The following UXS1 variants were observed in gnomAD, a reference collection of about 807,000 sequenced individuals.
UXS1 encodes the protein UDP-glucuronic acid decarboxylase 1.
Under a neutral mutation model 62.6 loss-of-function variants are expected in UXS1, and 33 were observed. The observed-to-expected ratio is 0.53, with a 90% CI of 0.40 to 0.70. The LOEUF (loss-of-function observed/expected upper bound fraction) is 0.70, where lower values mean the gene tolerates loss of function less well. Ranked by LOEUF, UXS1 falls within the 30% of genes least tolerant of loss-of-function variation. The pLI, the probability that UXS1 is intolerant of heterozygous loss-of-function variation, is 0.00. For synonymous variants in UXS1, 213 were observed against 206.8 expected, an observed-to-expected ratio of 1.03 and a Z score of -0.26; for missense variants, 434 against 556.3, an observed-to-expected ratio of 0.78 and a Z score of 2.21.
chr2:106,165,053 T>C (rs1173950671), intron 2 of UXS1, among the ~76,000 whole-genome samples: 1 of 152,250 alleles, frequency 6.6e-6, no homozygotes, highest in Non-Finnish European at 1.5e-5. Flanking sequence ...ATAATCTCAC[T>C]GCTATGCTAC....
At chr2:106,115,991 G>GA (rs1285157981) in intron 9 of UXS1, among the ~76,000 whole-genome samples, 1 of 152,148 alleles carries the variant, frequency 6.6e-6, no homozygotes, top group Non-Finnish European at 1.5e-5. Context: ...TTGGAAACAC[G>GA]AACTAGGCTG....
rs367642254 is a variant in UXS1, at chr2:106,193,154, G to A, written c.94+994C>T. On this transcript the variant is annotated intron_variant, in intron 1 of 14. Coordinates refer to ENST00000283148, the MANE Select transcript of UXS1 (RefSeq NM_001253875.2). Reference sequence around the variant, plus strand: ...GGATCTACTCATACTTGCCTTCCTAGAGCTCAACTGAAGTCACTTCAGACA... The same window carrying A: ...GGATCTACTCATACTTGCCTTCCTAAAGCTCAACTGAAGTCACTTCAGACA... Among the ~76,000 whole-genome samples, 7 of 152,128 alleles carry A rather than the reference G, an allele frequency of 4.6e-5. No homozygotes were observed. In the East Asian group the frequency reaches 7.7e-4, roughly 17 times the overall value.
At position 106,095,173 on chromosome 2, in the gene UXS1, T is replaced by C. The variant is rs114351135; in HGVS notation, c.1147-1016A>G. Reference sequence around the variant, plus strand: ...TACACACACCTCACATAAAAAGCAATAGTTAATACATAGTGAATGTATATT... The same window carrying C: ...TACACACACCTCACATAAAAAGCAACAGTTAATACATAGTGAATGTATATT... On this transcript the variant is annotated intron_variant, in intron 14 of 14. Transcript: ENST00000283148. 4.0e-3 allele frequency among the ~76,000 whole-genome samples: 612 copies of C among 152,232 alleles called. 2 individuals carry two copies. The highest frequency in any genetic ancestry group is 0.011 in the African/African-American group (469 of 41,528).
intron 6 of UXS1, among the ~76,000 whole-genome samples, chr2:106,136,952 T>C (rs1381860219): frequency 1.2e-5 from 1 of 84,784 alleles, no homozygotes; most frequent in Non-Finnish European, 2.3e-5. Flanking sequence ...AATGGAGAAG[T>C]CAAGAACACA....
At chr2:106,099,310 T>C (rs1020777469) in intron 12 of UXS1, among the ~76,000 whole-genome samples, 8 of 152,164 alleles carry the variant, frequency 5.3e-5, no homozygotes, top group Non-Finnish European at 2.9e-5. Context: ...GTGGGGGCTT[T>C]AAGGAAAACC....
chr2:106,174,087 A>C (rs1197976620), intron 1 of UXS1, among the ~76,000 whole-genome samples: 1 of 51,540 alleles, frequency 1.9e-5, no homozygotes, highest in African/African-American at 7.8e-5. Context: ...GAGGAAGAGG[A>C]TTGGGGGGGG....
intron 11 of UXS1, among the ~76,000 whole-genome samples, chr2:106,103,371 G>A (rs1573400304): frequency 6.6e-6 from 1 of 152,324 alleles, no homozygotes; most frequent in East Asian, 1.9e-4. Context: ...GGGCGCCACT[G>A]GTGAGGCAGC....
intron 7 of UXS1, among the ~76,000 whole-genome samples, chr2:106,129,398 T>C (rs570241727): frequency 6.6e-6 from 1 of 152,312 alleles, no homozygotes; most frequent in Admixed American, 6.5e-5. Flanking sequence ...GAAGCGCCTG[T>C]GGTCACTCCC....
In UXS1 at chr2:106,129,694, A is replaced by G; in HGVS notation, c.557T>C (p.Ile186Thr). The G allele has an allele frequency of 2.5e-6, 4 of 1,611,530 alleles. No homozygotes were observed. The highest frequency in any genetic ancestry group is 1.3e-5 in the African/African-American group (1 of 75,028). Residue 186 changes from isoleucine to threonine, a missense_variant, in exon 7 of 15, where the codon ATT becomes ACT. Ile to Thr is a moderately conservative substitution (Grantham distance 89). This residue lies in a region of UXS1 where 134 missense variants were observed against 251.9 expected (regional missense o/e 0.53). Coordinates refer to ENST00000283148, the MANE Select transcript of UXS1 (RefSeq NM_001253875.2). ...CTTACCCAACATGTTTAATGTCCCAATCGTATTGGTCTTTAATGTCTTGAT... is the reference window on the plus strand; with the variant it reads ...CTTACCCAACATGTTTAATGTCCCAGTCGTATTGGTCTTTAATGTCTTGAT... The part of the protein sequence containing the change: ...NPIKTLKTNT[I>T]GTLNMLGLAK...
chr2:106,114,439 C>T (rs753150905), intron 9 of UXS1, among the ~76,000 whole-genome samples: 1 of 152,144 alleles, frequency 6.6e-6, no homozygotes, highest in Non-Finnish European at 1.5e-5. Context: ...CAGAAAATGA[C>T]TCAGAAGTAC....
At chr2:106,103,173 G>A (rs540592872) in intron 11 of UXS1, among the ~76,000 whole-genome samples, 1 of 152,352 alleles carries the variant, frequency 6.6e-6, no homozygotes, top group Admixed American at 6.5e-5. Context: ...CATAGCACAG[G>A]CATCACTGAA....
intron 6 of UXS1, among the ~76,000 whole-genome samples, chr2:106,134,268 T>G (rs1223654980): frequency 8.6e-6 from 1 of 116,290 alleles, no homozygotes; most frequent in Non-Finnish European, 1.8e-5. Flanking sequence ...CAATAATCAA[T>G]AGTTTACCAA....
intron 9 of UXS1, among the ~76,000 whole-genome samples, chr2:106,116,628 A>G (rs893563596): frequency 1.3e-5 from 2 of 151,956 alleles, no homozygotes; most frequent in Non-Finnish European, 2.9e-5. Flanking sequence ...GTTAAATGTT[A>G]CTCTGTTTGA....
chr2:106,154,600 G>A (rs1449607617), intron 5 of UXS1, among the ~76,000 whole-genome samples: 1 of 152,194 alleles, frequency 6.6e-6, no homozygotes, highest in East Asian at 1.9e-4. Flanking sequence ...AGCCTTCAGA[G>A]GGGCATAGGC....
At chr2:106,188,672 G>A (rs1381374150) in intron 1 of UXS1, among the ~76,000 whole-genome samples, 3 of 152,178 alleles carry the variant, frequency 2.0e-5, no homozygotes, top group Non-Finnish European at 4.4e-5. Context: ...ACAATAGCCC[G>A]GGAGGACCAA....
intron 10 of UXS1, among the ~76,000 whole-genome samples, chr2:106,110,672 T>C (rs2377454): frequency 0.85 from 129,445 of 152,126 alleles, 55,745 homozygotes; most frequent in Non-Finnish European, 0.93. Context: ...CCACTACAAA[T>C]CCAATAATTA....
chr2:106,130,035 C>G (rs1680304011), intron 6 of UXS1, among the ~76,000 whole-genome samples: 1 of 152,140 alleles, frequency 6.6e-6, no homozygotes, highest in Non-Finnish European at 1.5e-5. Flanking sequence ...AATTCGATTA[C>G]TGAGTTGATT....
At chr2:106,130,896 G>A (rs1186849344) in intron 6 of UXS1, among the ~76,000 whole-genome samples, 1 of 152,142 alleles carries the variant, frequency 6.6e-6, no homozygotes, top group East Asian at 1.9e-4. Context: ...AGTCTGGGGG[G>A]GAGGAGCCAA....
chr2:106,158,577 T>C (rs942826416), intron 4 of UXS1, among the ~76,000 whole-genome samples: 11 of 152,194 alleles, frequency 7.2e-5, no homozygotes, highest in Admixed American at 3.9e-4. Flanking sequence ...CAGAGGCCAA[T>C]ATAACTAGGA....
Sources: allele counts gnomAD v4.1 joint callset (sites outside exome capture counted in the v4.1 genomes callset), GRCh38; gene constraint gnomAD v4.1.1; regional missense constraint gnomAD v4.1.1; transcripts MANE v1.5; gene names NCBI Gene and HGNC (gene_info 2026-07-23, HGNC 2026-07-21).